The following ADAMTS5 variants were observed in gnomAD, a reference collection of about 807,000 sequenced individuals.
ADAMTS5 encodes the protein ADAM metallopeptidase with thrombospondin type 1 motif 5.
ADAMTS5 carries 54 observed loss-of-function variants against 81.4 expected under a neutral mutation model. The observed-to-expected ratio is 0.66, with a 90% CI of 0.53 to 0.83. ADAMTS5 has a LOEUF of 0.83. Ranked by LOEUF, ADAMTS5 falls within the 40% of genes least tolerant of loss-of-function variation. The probability of loss-of-function intolerance (pLI) is 0.00; values close to 1 mark genes in which losing one functional copy is unlikely to be tolerated. For synonymous variants in ADAMTS5, 532 were observed against 508.8 expected, an observed-to-expected ratio of 1.05 and a Z score of -0.61; for missense variants, 1,194 against 1,229.9, an observed-to-expected ratio of 0.97 and a Z score of 0.44.
In ADAMTS5 at chr21:26,966,434, T is replaced by C. The variant is rs1482433945; in HGVS notation, c.-43A>G. ...GAGGGGCTGCGCGACTGGGACTTTA[T>C]GGGTATTTGTTATTTGCTATGAAGT... On this transcript the variant is annotated 5_prime_UTR_variant, in exon 1 of 8. Transcript: ENST00000284987. 1.4e-6 allele frequency: 2 copies of C among 1,404,726 alleles called. No homozygotes were observed. The highest frequency in any genetic ancestry group is 1.8e-6 in the Non-Finnish European group (2 of 1,091,250). 87.0% of individuals were successfully genotyped at this position (1,404,726 alleles called of 1,614,324 possible).
intron 3 of ADAMTS5, among the ~76,000 whole-genome samples, chr21:26,941,384 A>AGG (rs2123184173): frequency 6.6e-6 from 1 of 151,928 alleles, no homozygotes; most frequent in South Asian, 2.1e-4. Flanking sequence ...ACAGAAACAG[A>AGG]TATAAAAATA....
chr21:26,927,902 T>C (rs1420583197), intron 7 of ADAMTS5, among the ~76,000 whole-genome samples: 1 of 151,980 alleles, frequency 6.6e-6, no homozygotes, highest in Non-Finnish European at 1.5e-5. Context: ...CAGGATCTGC[T>C]GATGGATGGA....
In ADAMTS5 at chr21:26,929,975, A is replaced by G. The variant is rs1194784599; in HGVS notation, c.2136T>C (p.Ile712=). The G allele has an allele frequency of 6.2e-7, 1 of 1,614,058 alleles. No homozygotes were observed. Among genetic ancestry groups the G allele is most frequent in the Non-Finnish European group, 8.5e-7 (1 of 1,180,002 alleles). ...ACTTGTCATACTGCAGCTTTGAGCC[A>G]ATGATGCCGTCACAGCCAGTTCTCA... is the stretch of plus-strand genomic sequence containing the variant. The part of the protein sequence containing the change: ...KCVRTGCDGI[I]GSKLQYDKCG... The change falls in exon 7 of 8, where the codon ATT becomes ATC. Residue 712 remains isoleucine, a synonymous_variant. Transcript: ENST00000284987.
intron 2 of ADAMTS5, among the ~76,000 whole-genome samples, chr21:26,953,003 TTGA>T (rs1455014846): frequency 2.0e-5 from 3 of 152,336 alleles, no homozygotes; most frequent in Non-Finnish European, 2.9e-5. Context: ...GTAATAAATA[TTGA>T]TTAAGGTTCT....
Position 26,917,998 on chromosome 21 carries a change from T to C in ADAMTS5, c.*6055A>G, listed in dbSNP as rs1033731007. On this transcript the variant is annotated 3_prime_UTR_variant, in exon 8 of 8. Coordinates refer to ENST00000284987, the MANE Select transcript of ADAMTS5 (RefSeq NM_007038.5). Reference sequence around the variant, plus strand: ...TAATTTTACAGTTTAAAGTCACACATAGGGAAATGCTTTACAAAATAGGAT... The same window carrying C: ...TAATTTTACAGTTTAAAGTCACACACAGGGAAATGCTTTACAAAATAGGAT... 6.6e-6 allele frequency: 1 copy of C among 152,114 alleles called. No individual in the cohort carries two copies. The highest frequency in any genetic ancestry group is 2.4e-5 in the African/African-American group (1 of 41,404). 9.4% of individuals were successfully genotyped at this position (152,114 alleles called of 1,614,324 possible).
Position 26,947,203 on chromosome 21 carries a change from T to C in ADAMTS5, c.1238-3656A>G, listed in dbSNP as rs374778935. On this transcript the variant is annotated intron_variant, in intron 2 of 7. Coordinates refer to ENST00000284987, the MANE Select transcript of ADAMTS5 (RefSeq NM_007038.5). ...CAGCTATCTTTAATTCTTGATGATGTAATTGGAAGCTTTTCACCTAAAACC... is the reference window on the plus strand; with the variant it reads ...CAGCTATCTTTAATTCTTGATGATGCAATTGGAAGCTTTTCACCTAAAACC... 1.9e-4 allele frequency among the ~76,000 whole-genome samples: 29 copies of C among 152,318 alleles called. No individual in the cohort carries two copies. The South Asian group carries it at 5.4e-3, about 28-fold the overall frequency.
At chr21:26,936,647 C>T (rs1027507922) in intron 3 of ADAMTS5, among the ~76,000 whole-genome samples, 6 of 151,944 alleles carry the variant, frequency 3.9e-5, no homozygotes, top group African/African-American at 9.7e-5. Flanking sequence ...TGAGCCAGAA[C>T]GTTTGAAGAG....
At position 26,966,514 on chromosome 21, in the gene ADAMTS5, TGTCG is replaced by T; in HGVS notation, c.-127_-124del. On this transcript the variant is annotated 5_prime_UTR_variant, in exon 1 of 8. Coordinates refer to ENST00000284987, the MANE Select transcript of ADAMTS5 (RefSeq NM_007038.5). Reference sequence around the variant, plus strand: ...CACTTGCTTGCAGGATTGAGTCAAGTGTCGGAGGGAGGGGGGCCCGGCAGCAGCG... The same window carrying T: ...CACTTGCTTGCAGGATTGAGTCAAGTGAGGGAGGGGGGCCCGGCAGCAGCG... 1.0e-6 allele frequency: 1 copy of T among 952,832 alleles called. No individual in the cohort carries two copies. The highest frequency in any genetic ancestry group is 2.6e-5 in the South Asian group (1 of 39,172). The allele number at this position is 952,832 out of a possible 1,614,324, so 59.0% of individuals were successfully genotyped here.
At chr21:26,934,367 T>G (rs1305374733) in intron 4 of ADAMTS5, 99 bp downstream of exon 4, 15 of 1,455,076 alleles carry the variant, frequency 1.0e-5, no homozygotes, top group Non-Finnish European at 1.4e-5. Flanking sequence ...GTTTTTAAAT[T>G]AGAAAATAAA....
chr21:26,944,078 A>AG, intron 2 of ADAMTS5, among the ~76,000 whole-genome samples: 1 of 152,290 alleles, frequency 6.6e-6, no homozygotes, highest in South Asian at 2.1e-4. Flanking sequence ...GGCTAATAAA[A>AG]GGGAGGACTA....
chr21:26,923,536 T>C lies in ADAMTS5; in HGVS notation c.*517A>G, dbSNP rs1986740915. On this transcript the variant is annotated 3_prime_UTR_variant, in exon 8 of 8. Transcript: ENST00000284987. The stretch of plus-strand genomic sequence containing the variant: ...TTTCCAGTAAAATATCCACAGCTCT[T>C]TCTGGAAACGGAAGGAAGTTGAAAT... The C allele has an allele frequency of 6.5e-6, 1 of 152,804 alleles. No homozygotes were observed. Among genetic ancestry groups the C allele is most frequent in the African/African-American group, 2.4e-5 (1 of 41,468 alleles). The allele number at this position is 152,804 out of a possible 1,614,324, so 9.5% of individuals were successfully genotyped here. A position where few individuals can be genotyped will look rare whatever the true frequency, so the allele number is the denominator to read the frequency against.
chr21:26,920,962 G>C lies in ADAMTS5; in HGVS notation c.*3091C>G, dbSNP rs1174399690. ...CTGTAAAAAAATACAAAAGCAACCA[G>C]TGCTGTATATTATGTAAACTCACAA... On this transcript the variant is annotated 3_prime_UTR_variant, in exon 8 of 8. Transcript: ENST00000284987. 1 of 152,424 alleles carries C rather than the reference G, an allele frequency of 6.6e-6. No individual in the cohort carries two copies. The highest frequency in any genetic ancestry group is 1.5e-5 in the Non-Finnish European group (1 of 67,964). The allele number at this position is 152,424 out of a possible 1,614,324, so 9.4% of individuals were successfully genotyped here.
At chr21:26,943,295 G>T in intron 3 of ADAMTS5, 85 bp downstream of exon 3, 3 of 1,284,558 alleles carry the variant, frequency 2.3e-6, no homozygotes, top group Non-Finnish European at 3.2e-6. Context: ...AGGGCAAGAT[G>T]AATATTATGA....
intron 2 of ADAMTS5, among the ~76,000 whole-genome samples, chr21:26,947,592 C>T (rs754234124): frequency 6.6e-6 from 1 of 152,026 alleles, no homozygotes; most frequent in Non-Finnish European, 1.5e-5. Flanking sequence ...CACCACCATT[C>T]CTGGCTAGTT....
rs1203886064 is a variant in ADAMTS5 at position 26,965,866 on chromosome 21, C to A, written c.526G>T (p.Glu176Ter). The A allele has an allele frequency of 1.2e-6, 2 of 1,613,512 alleles. No individual in the cohort carries two copies. The highest frequency in any genetic ancestry group is 1.7e-6 in the Non-Finnish European group (2 of 1,179,822). The change falls in exon 1 of 8, where the codon GAA (glutamate) becomes TAA (stop). Residue 176 changes from glutamate (E) to a stop codon, truncating the protein, a stop_gained. Transcript: ENST00000284987. LOFTEE classifies it high-confidence loss of function. ...TCCCCGTACACGCGCCCCTTTTCTT[C>A]CTCCGCCCAGGGTCCGCGCAGCAGT... ...KPLLRGPWAE[E>*]EKGRVYGDGS...
At chr21:26,930,601 C>G (rs1393739578) in intron 6 of ADAMTS5, among the ~76,000 whole-genome samples, 1 of 152,080 alleles carries the variant, frequency 6.6e-6, no homozygotes, top group Non-Finnish European at 1.5e-5. Context: ...AAAAAGGAGT[C>G]TGGGGAAGTT....
chr21:26,932,765 G>A lies in ADAMTS5; in HGVS notation c.1873+96C>T, dbSNP rs1986935953. ...ATATTGGTGGAACTGTGCAGTATAA[G>A]ATTAATATTATTTCCCCAGCTTCCC... On this transcript the variant is annotated intron_variant, in intron 5 of 7. Transcript: ENST00000284987. The A allele has an allele frequency of 2.2e-6, 3 of 1,358,176 alleles. No individual in the cohort carries two copies. The African/African-American group carries it at 4.4e-5, about 20-fold the overall frequency. 84.1% of individuals were successfully genotyped at this position (1,358,176 alleles called of 1,614,324 possible).
At position 26,943,462 on chromosome 21, in the gene ADAMTS5, G is replaced by A. The variant is rs1987153273; in HGVS notation, c.1323C>T (p.Ser441=). 6.2e-7 allele frequency: 1 copy of A among 1,613,582 alleles called. No individual in the cohort carries two copies. The highest frequency in any genetic ancestry group is 8.5e-7 in the Non-Finnish European group (1 of 1,179,758). ...GSTEDKRLMS[S]ILTSIDASKP... is the part of the protein sequence containing the mutation. ...TAGATGCATCAATGCTGGTAAGGAT[G>A]GAAGACATTAAGCGCTTATCTTCTG... Residue 441 remains serine, a synonymous_variant, in exon 3 of 8, where the codon TCC becomes TCT. Coordinates refer to ENST00000284987, the MANE Select transcript of ADAMTS5 (RefSeq NM_007038.5).
intron 3 of ADAMTS5, among the ~76,000 whole-genome samples, chr21:26,937,589 A>G (rs1192804472): frequency 6.6e-6 from 1 of 152,244 alleles, no homozygotes; most frequent in African/African-American, 2.4e-5. Context: ...AACAAAAATC[A>G]ATACAGAGCC....
Sources: gnomAD v4.1 joint callset for allele counts (sites outside exome capture counted in the v4.1 genomes callset) on GRCh38, gnomAD v4.1.1 for gene constraint, MANE v1.5 for transcripts, NCBI Gene and HGNC (gene_info 2026-07-23, HGNC 2026-07-21) for gene names.